The following TRABD2A variants were observed in gnomAD, a reference collection of about 807,000 sequenced individuals.
TRABD2A encodes the protein metalloprotease TIKI1.
In TRABD2A, 43 loss-of-function variants were observed where a neutral mutation model predicts 45.6. The ratio of observed to expected loss-of-function variants is 0.94; its 90% CI spans 0.74 to 1.22. TRABD2A has a LOEUF of 1.22. Ranked by LOEUF, TRABD2A falls within the 50% of genes most tolerant of loss-of-function variation. TRABD2A has a pLI of 0.00. For missense variants in TRABD2A, 642 were observed against 652.4 expected (o/e 0.98, Z 0.17); for synonymous variants, 269 against 265.0 (o/e 1.02, Z -0.15).
intron 3 of TRABD2A, among the ~76,000 whole-genome samples, chr2:84,841,261 C>A (rs887843086): frequency 6.6e-6 from 1 of 152,214 alleles, no homozygotes; most frequent in Non-Finnish European, 1.5e-5. Flanking sequence ...AGACCATGAT[C>A]TTCTGAGGCT....
At chr2:84,863,344 A>G (rs900426461) in intron 2 of TRABD2A, among the ~76,000 whole-genome samples, 2 of 142,500 alleles carry the variant, frequency 1.4e-5, no homozygotes, top group Admixed American at 7.6e-5. Context: ...TCCTGGGTTC[A>G]CACCATTCTC....
chr2:84,877,741 A>G (rs946571764), intron 1 of TRABD2A, among the ~76,000 whole-genome samples: 10 of 152,218 alleles, frequency 6.6e-5, no homozygotes, highest in Admixed American at 4.6e-4. Context: ...CACAATGACA[A>G]CTGCATATTG....
intron 2 of TRABD2A, among the ~76,000 whole-genome samples, chr2:84,855,691 C>T (rs766656057): frequency 3.0e-4 from 45 of 152,100 alleles, no homozygotes; most frequent in Non-Finnish European, 6.0e-4. Context: ...CTTCTTCTCT[C>T]TCCCTTTCTT....
chr2:84,837,963 A>G (rs760432554), intron 4 of TRABD2A: 120 of 392,292 alleles, frequency 3.1e-4, no homozygotes, highest in Middle Eastern at 2.6e-3. Context: ...TGCTATTTCC[A>G]GCAACTATGA....
intron 2 of TRABD2A, among the ~76,000 whole-genome samples, chr2:84,858,378 C>G (rs1682386086): frequency 6.6e-6 from 1 of 152,202 alleles, no homozygotes; most frequent in African/African-American, 2.4e-5. Flanking sequence ...GCTTTTGGCC[C>G]ATTCAGAATA....
chr2:84,839,868 A>G (rs1559087648), intron 3 of TRABD2A, among the ~76,000 whole-genome samples: 1 of 152,230 alleles, frequency 6.6e-6, no homozygotes, highest in Non-Finnish European at 1.5e-5. Context: ...TGATTCTGGT[A>G]TACATGTTAG....
intron 2 of TRABD2A, among the ~76,000 whole-genome samples, chr2:84,858,617 A>T (rs926536862): frequency 6.6e-6 from 1 of 152,182 alleles, no homozygotes; most frequent in Non-Finnish European, 1.5e-5. Context: ...ACCCCACCAC[A>T]GGGATGTCTG....
chr2:84,845,569 GC>G (rs59547921), intron 2 of TRABD2A, among the ~76,000 whole-genome samples: 12,186 of 150,410 alleles, frequency 0.081, 793 homozygotes, highest in African/African-American at 0.18. Context: ...GGAGACAAGG[GC>G]GGGGGAAGAA....
At chr2:84,855,685 T>A (rs1315569065) in intron 2 of TRABD2A, among the ~76,000 whole-genome samples, 2 of 151,866 alleles carry the variant, frequency 1.3e-5, no homozygotes, top group African/African-American at 4.8e-5. Context: ...ACAGCCCTTC[T>A]TCTCTCTCCC....
Position 84,832,443 on chromosome 2 carries a change from C to A in TRABD2A, c.992-298G>T, listed in dbSNP as rs967175704. ...GACATCAAACTGCAACCTGGTAAGA[C>A]CTCCCAGAAGAGGTGATATGTGAGC... On this transcript the variant is annotated intron_variant, in intron 4 of 6. Transcript: ENST00000409520. 7.9e-6 allele frequency: 3 copies of A among 378,240 alleles called. No individual in the cohort carries two copies. The East Asian group carries it at 1.5e-4, about 19-fold the overall frequency. 23.4% of individuals were successfully genotyped at this position (378,240 alleles called of 1,614,324 possible). A position where few individuals can be genotyped will look rare whatever the true frequency, so the allele number is the denominator to read the frequency against.
chr2:84,827,047 C>T (rs145582734), intron 5 of TRABD2A, among the ~76,000 whole-genome samples: 1,801 of 152,256 alleles, frequency 0.012, 17 homozygotes, highest in Non-Finnish European at 0.017. Flanking sequence ...AATAGAAAAT[C>T]CCAGCTGCTG....
chr2:84,872,950 AC>A (rs1182556322), intron 1 of TRABD2A, among the ~76,000 whole-genome samples: 9 of 151,892 alleles, frequency 5.9e-5, no homozygotes, highest in Admixed American at 5.9e-4. Context: ...CCGTGTCTCT[AC>A]TAAAATACAA....
intron 2 of TRABD2A, among the ~76,000 whole-genome samples, chr2:84,870,013 G>T (rs1400790306): frequency 1.4e-5 from 2 of 146,300 alleles, no homozygotes; most frequent in South Asian, 2.2e-4. Flanking sequence ...TTGTTGGAAT[G>T]ATAAGAAAAA....
chr2:84,874,725 A>G (rs577083063), intron 1 of TRABD2A: 52 of 232,104 alleles, frequency 2.2e-4, no homozygotes, highest in African/African-American at 1.2e-3. Flanking sequence ...GTCTGTCTCC[A>G]AAAAAGGTTG....
At chr2:84,838,938 T>C in intron 4 of TRABD2A, 3 of 556,664 alleles carry the variant, frequency 5.4e-6, no homozygotes, top group Non-Finnish European at 9.5e-6. Flanking sequence ...TGATGTCACA[T>C]GCACCAGCTC....
At position 84,841,895 on chromosome 2, in the gene TRABD2A, A is replaced by C; in HGVS notation, c.782T>G (p.Leu261Arg). 6.5e-7 allele frequency: 1 copy of C among 1,545,792 alleles called. No homozygotes were observed. The highest frequency in any genetic ancestry group is 8.7e-7 in the Non-Finnish European group (1 of 1,145,378). ...GTCATGGCTGAGGATGACGGAGCTG[A>C]GGTCCCCGCAGTTATAGTGTTTGAT... ...DLIKHYNCGDLSSVILSHDSS... is the reference protein window; with the variant it reads ...DLIKHYNCGDRSSVILSHDSS... The change falls in exon 3 of 7, where the codon CTC becomes CGC. Residue 261 changes from leucine to arginine, a missense_variant. Transcript: ENST00000409520.
Position 84,880,995 on chromosome 2 carries a change from C to T in TRABD2A, c.45G>A (p.Leu15=). ...CGCGCCGCGAAGCTGCGCCCGTGGG[C>T]AGGAGGCAGAGGGTCTGCAGCAGGA... ...SWFLLQTLCL[L]PTGAASRRGA... is the part of the protein sequence containing the mutation. The change falls in exon 1 of 7, where the codon CTG becomes CTA. Residue 15 remains leucine (L), a synonymous_variant. Coordinates refer to ENST00000409520, the MANE Select transcript of TRABD2A (RefSeq NM_001277053.2). 6.2e-7 allele frequency: 1 copy of T among 1,605,934 alleles called. No homozygotes were observed. The highest frequency in any genetic ancestry group is 2.2e-5 in the East Asian group (1 of 44,582).
intron 2 of TRABD2A, among the ~76,000 whole-genome samples, chr2:84,868,906 G>A (rs1359953525): frequency 6.6e-6 from 1 of 152,128 alleles, no homozygotes; most frequent in African/African-American, 2.4e-5. Flanking sequence ...CATTGAAAAG[G>A]TTATAACATT....
intron 2 of TRABD2A, among the ~76,000 whole-genome samples, chr2:84,850,427 G>T (rs749314057): frequency 5.3e-5 from 8 of 152,074 alleles, no homozygotes; most frequent in African/African-American, 7.2e-5. Context: ...AGATGGTGGT[G>T]GTCCTACCCT....
Sources: allele counts gnomAD v4.1 joint callset (sites outside exome capture counted in the v4.1 genomes callset), GRCh38; gene constraint gnomAD v4.1.1; transcripts MANE v1.5; gene names NCBI Gene and HGNC (gene_info 2026-07-23, HGNC 2026-07-21).